Variants in TMOD3 observed in about 807,000 individuals in gnomAD.
TMOD3 encodes the protein tropomodulin 3.
In TMOD3, 20 loss-of-function variants were observed where a neutral mutation model predicts 39.2. The ratio of observed to expected loss-of-function variants is 0.51; its 90% CI spans 0.36 to 0.74. TMOD3 has a LOEUF of 0.74. Among genes scored for constraint, TMOD3 ranks in the 30% least tolerant of loss-of-function variants. The pLI is 0.00. For synonymous variants in TMOD3, 143 were observed against 145.8 expected, an observed-to-expected ratio of 0.98 and a Z score of 0.14; for missense variants, 381 against 412.8, an observed-to-expected ratio of 0.92 and a Z score of 0.67.
chr15:51,858,699 T>C (rs186748357), intron 1 of TMOD3, among the ~76,000 whole-genome samples: 2 of 152,322 alleles, frequency 1.3e-5, no homozygotes, highest in African/African-American at 4.8e-5. Context: ...AAAACTGTAC[T>C]TTCTCCTTCA....
chr15:51,830,846 TTTC>T (rs2056251470), intron 1 of TMOD3, among the ~76,000 whole-genome samples: 1 of 152,220 alleles, frequency 6.6e-6, no homozygotes, highest in African/African-American at 2.4e-5. Context: ...CTCTTGCTAG[TTTC>T]TTCTTCCTAG....
rs1013271958 is a variant in TMOD3 at position 51,844,493 on chromosome 15, C to T, written c.-75+14657C>T. Among the ~76,000 whole-genome samples the T allele has an allele frequency of 1.3e-4, 20 of 152,104 alleles. 1 individual carries two copies. The highest frequency in any genetic ancestry group is 3.4e-4 in the African/African-American group (14 of 41,420). Reference sequence around the variant, plus strand: ...TTTTTCTAACCTATTTTTTCTTATTCTGAAGTCTTTTTTCTAATATCTTTC... The same window carrying T: ...TTTTTCTAACCTATTTTTTCTTATTTTGAAGTCTTTTTTCTAATATCTTTC... On this transcript the variant is annotated intron_variant, in intron 1 of 9. Transcript: ENST00000308580.
In TMOD3 at chr15:51,909,949, A is replaced by T. The variant is rs1348002456; in HGVS notation, c.*1139A>T. 6.6e-6 allele frequency: 1 copy of T among 152,244 alleles called. No homozygotes were observed. The highest frequency in any genetic ancestry group is 1.5e-5 in the Non-Finnish European group (1 of 68,040). 9.4% of individuals were successfully genotyped at this position (152,244 alleles called of 1,614,324 possible). A position where few individuals can be genotyped will look rare whatever the true frequency, so the allele number is the denominator to read the frequency against. The stretch of plus-strand genomic sequence containing the variant: ...TCATCTTATACTTTTATCAATATTT[A>T]TAAAAGTCATTTCTATAATAAAAGC... On this transcript the variant is annotated 3_prime_UTR_variant, in exon 10 of 10. Coordinates refer to ENST00000308580, the MANE Select transcript of TMOD3 (RefSeq NM_014547.5).
intron 1 of TMOD3, chr15:51,861,231 T>C: frequency 2.3e-6 from 1 of 426,080 alleles, no homozygotes; most frequent in South Asian, 2.1e-5. Flanking sequence ...CAGTCCAATG[T>C]GCTCTAGCTG....
chr15:51,886,175 T>A (rs2056561678), intron 3 of TMOD3, among the ~76,000 whole-genome samples: 1 of 150,288 alleles, frequency 6.7e-6, no homozygotes, highest in African/African-American at 2.5e-5. Flanking sequence ...CGCTCCTCAC[T>A]TCCCAGACTG....
intron 2 of TMOD3, among the ~76,000 whole-genome samples, chr15:51,868,447 C>T (rs1331700611): frequency 2.6e-5 from 4 of 152,138 alleles, no homozygotes; most frequent in African/African-American, 4.8e-5. Flanking sequence ...TCCTCCCACC[C>T]TCCACCCTCC....
intron 3 of TMOD3, among the ~76,000 whole-genome samples, chr15:51,870,799 G>A (rs1276727010): frequency 2.0e-5 from 3 of 152,200 alleles, no homozygotes. Flanking sequence ...CCAACAGGAT[G>A]TGAGGGGAGA....
At chr15:51,899,541 C>T (rs2056638631) in intron 7 of TMOD3, among the ~76,000 whole-genome samples, 1 of 151,652 alleles carries the variant, frequency 6.6e-6, no homozygotes, top group South Asian at 2.1e-4. Context: ...TGGCACACAA[C>T]TGTAGTCTCA....
chr15:51,897,198 C>G (rs1566866946), intron 7 of TMOD3, among the ~76,000 whole-genome samples: 1 of 152,290 alleles, frequency 6.6e-6, no homozygotes, highest in South Asian at 2.1e-4. Flanking sequence ...TCCTTCTTTT[C>G]TCAGTCTACA....
rs1196396578 is a variant in TMOD3 at position 51,911,150 on chromosome 15, C to G, written c.*2340C>G. The G allele has an allele frequency of 6.6e-6, 1 of 152,118 alleles. No homozygotes were observed. Among genetic ancestry groups the G allele is most frequent in the African/African-American group, 2.4e-5 (1 of 41,408 alleles). The allele number at this position is 152,118 out of a possible 1,614,324, so 9.4% of individuals were successfully genotyped here. A position where few individuals can be genotyped will look rare whatever the true frequency, so the allele number is the denominator to read the frequency against. On this transcript the variant is annotated 3_prime_UTR_variant, in exon 10 of 10. Coordinates refer to ENST00000308580, the MANE Select transcript of TMOD3 (RefSeq NM_014547.5). Reference sequence around the variant, plus strand: ...AGTCAGGCATCCTCGTTTGCATTGTCCTGTAAGTCAATTAGTTGATAAATA... The same window carrying G: ...AGTCAGGCATCCTCGTTTGCATTGTGCTGTAAGTCAATTAGTTGATAAATA...
chr15:51,860,547 G>T, intron 1 of TMOD3: 1 of 577,546 alleles, frequency 1.7e-6, no homozygotes. Flanking sequence ...CCATTTGGCT[G>T]CCATAATCCA....
intron 1 of TMOD3, among the ~76,000 whole-genome samples, chr15:51,845,133 A>G (rs901185278): frequency 6.6e-6 from 1 of 152,188 alleles, no homozygotes; most frequent in Non-Finnish European, 1.5e-5. Context: ...CCTTAAAATC[A>G]TAGACAATTA....
intron 3 of TMOD3, 119 bp downstream of exon 3, chr15:51,869,492 C>G (rs2056464416): frequency 1.1e-6 from 1 of 924,908 alleles, no homozygotes; most frequent in African/African-American, 1.7e-5. Flanking sequence ...ATATATGATA[C>G]TGTTGACTTA....
intron 6 of TMOD3, among the ~76,000 whole-genome samples, chr15:51,894,655 A>T (rs2056612057): frequency 6.6e-6 from 1 of 152,164 alleles, no homozygotes; most frequent in African/African-American, 2.4e-5. Flanking sequence ...AGAATGTCAT[A>T]TAAATTGAAT....
In TMOD3 at chr15:51,897,948, A is replaced by G. The variant is rs146078317; in HGVS notation, c.735+1422A>G. On this transcript the variant is annotated intron_variant, in intron 7 of 9. Coordinates refer to ENST00000308580, the MANE Select transcript of TMOD3 (RefSeq NM_014547.5). ...CAAGCCACCATCTTTTCCCACCTGG[A>G]TTATTGCAACAGCCTCCTAATTGGG... Among the ~76,000 whole-genome samples, 619 of 152,160 alleles carry G rather than the reference A, an allele frequency of 4.1e-3. 7 individuals carry two copies. The highest frequency in any genetic ancestry group is 7.9e-3 in the Non-Finnish European group (537 of 67,986).
chr15:51,896,334 C>CAA lies in TMOD3; in HGVS notation c.628-78_628-77dup, dbSNP rs138973842. On this transcript the variant is annotated intron_variant, in intron 6 of 9. Coordinates refer to ENST00000308580, the MANE Select transcript of TMOD3 (RefSeq NM_014547.5). ...TATAATTTCTGAATACATTTTAAAGCAAAAAAAACCATATATTTGATTAAT... is the reference window on the plus strand; with the variant it reads ...TATAATTTCTGAATACATTTTAAAGCAAAAAAAAAACCATATATTTGATTAAT... The CAA allele has an allele frequency of 7.9e-3, 7,594 of 955,590 alleles. 370 individuals carry two copies. The African/African-American group carries it at 0.12, about 15-fold the overall frequency. The allele number at this position is 955,590 out of a possible 1,614,324, so 59.2% of individuals were successfully genotyped here. A position where few individuals can be genotyped will look rare whatever the true frequency, so the allele number is the denominator to read the frequency against.
At position 51,908,772 on chromosome 15, in the gene TMOD3, A is replaced by G. The variant is rs750587148; in HGVS notation, c.1025-4A>G. ...TAACATAGTTTCTTTTATTTTTCTC[A>G]TAGTGCGTAAGAGACGAGTTGAAGG... On this transcript the variant is annotated splice_region_variant and splice_polypyrimidine_tract_variant and intron_variant, in intron 9 of 9. Transcript: ENST00000308580. 23 of 1,596,084 alleles carry G rather than the reference A, an allele frequency of 1.4e-5. No homozygotes were observed. Among genetic ancestry groups the G allele is most frequent in the Admixed American group, 5.3e-5 (3 of 56,814 alleles).
At chr15:51,859,341 T>A in intron 1 of TMOD3, 1 of 712,288 alleles carries the variant, frequency 1.4e-6, no homozygotes. Flanking sequence ...CACCCAAAGA[T>A]CAGAATCTAC....
In TMOD3 at chr15:51,915,452, T is replaced by A. The variant is rs2056728835; in HGVS notation, c.*6642T>A. ...AGCTTGAAAATTACCTTTCTAACAATCATTTGAATGTCATTCATTGTCACA... is the reference window on the plus strand; with the variant it reads ...AGCTTGAAAATTACCTTTCTAACAAACATTTGAATGTCATTCATTGTCACA... On this transcript the variant is annotated 3_prime_UTR_variant, in exon 10 of 10. Transcript: ENST00000308580. The A allele has an allele frequency of 6.6e-6, 1 of 152,238 alleles. No individual in the cohort carries two copies. Among genetic ancestry groups the A allele is most frequent in the African/African-American group, 2.4e-5 (1 of 41,464 alleles). 9.4% of individuals were successfully genotyped at this position (152,238 alleles called of 1,614,324 possible).
Sources: gnomAD v4.1 joint callset for allele counts (sites outside exome capture counted in the v4.1 genomes callset) on GRCh38, gnomAD v4.1.1 for gene constraint, MANE v1.5 for transcripts, NCBI Gene and HGNC (gene_info 2026-07-23, HGNC 2026-07-21) for gene names.